The following DOCK1 variants were observed in gnomAD, a reference collection of about 807,000 sequenced individuals.
The protein encoded by DOCK1 is dedicator of cytokinesis protein 1.
DOCK1 carries 138 observed loss-of-function variants against 262.7 expected under a neutral mutation model. The ratio of observed to expected loss-of-function variants is 0.53; its 90% CI spans 0.46 to 0.61. The LOEUF (loss-of-function observed/expected upper bound fraction) is 0.61, where lower values mean the gene tolerates loss of function less well. Ranked by LOEUF, DOCK1 falls within the 20% of genes least tolerant of loss-of-function variation. The pLI is 0.00. For synonymous variants in DOCK1, 866 were observed against 867.4 expected (o/e 1.00, Z 0.03); for missense variants, 1,908 against 2,370.7 (o/e 0.80, Z 4.05).
intron 49 of DOCK1, among the ~76,000 whole-genome samples, chr10:127,441,952 C>G (rs1362336639): frequency 6.6e-6 from 1 of 152,096 alleles, no homozygotes; most frequent in Non-Finnish European, 1.5e-5. Flanking sequence ...GCAGGGAGGC[C>G]AGGAGAAGCA....
chr10:127,264,834 G>A (rs150214132), intron 29 of DOCK1, among the ~76,000 whole-genome samples: 159 of 152,208 alleles, frequency 1.0e-3, no homozygotes, highest in African/African-American at 3.6e-3. Flanking sequence ...CTAATTTTTT[G>A]TGGGTTTATT....
At chr10:127,005,134 C>T (rs1214023624) in intron 10 of DOCK1, among the ~76,000 whole-genome samples, 2 of 151,684 alleles carry the variant, frequency 1.3e-5, no homozygotes, top group African/African-American at 4.8e-5. Flanking sequence ...TCCAGCAGTT[C>T]GAGACCAGCC....
chr10:127,213,327 A>T (rs1216462990), intron 27 of DOCK1, among the ~76,000 whole-genome samples: 1 of 152,218 alleles, frequency 6.6e-6, no homozygotes, highest in Non-Finnish European at 1.5e-5. Flanking sequence ...CAAAGCAATC[A>T]GTGATATGTT....
At chr10:127,444,686 T>C (rs1486536508) in intron 50 of DOCK1, among the ~76,000 whole-genome samples, 2 of 152,148 alleles carry the variant, frequency 1.3e-5, no homozygotes, top group Admixed American at 1.3e-4. Context: ...AGCTTATTTT[T>C]CTAGTTTTGA....
chr10:127,096,173 T>A (rs1189355502), intron 23 of DOCK1, among the ~76,000 whole-genome samples: 1 of 152,236 alleles, frequency 6.6e-6, no homozygotes, highest in East Asian at 1.9e-4. Context: ...TCTGGACTGC[T>A]GTCACACACA....
intron 2 of DOCK1, among the ~76,000 whole-genome samples, chr10:126,976,023 A>G (rs2134750184): frequency 6.6e-6 from 1 of 152,326 alleles, no homozygotes; most frequent in South Asian, 2.1e-4. Context: ...GAAAGGACAT[A>G]TTAATGTTGA....
intron 33 of DOCK1, 22 bp downstream of exon 33, chr10:127,362,234 G>T: frequency 6.2e-7 from 1 of 1,607,118 alleles, no homozygotes; most frequent in Non-Finnish European, 8.5e-7. Flanking sequence ...GATGTGCAGC[G>T]AGTGGCCGGG....
chr10:127,088,128 G>C (rs953968500), intron 23 of DOCK1, among the ~76,000 whole-genome samples: 1 of 152,174 alleles, frequency 6.6e-6, no homozygotes, highest in Non-Finnish European at 1.5e-5. Flanking sequence ...TAACCAGTTC[G>C]CTGCCACCAA....
At chr10:127,270,426 C>T (rs541187749) in intron 29 of DOCK1, among the ~76,000 whole-genome samples, 5 of 152,228 alleles carry the variant, frequency 3.3e-5, no homozygotes, top group Non-Finnish European at 5.9e-5. Flanking sequence ...AATACAATTT[C>T]ACATTCTTCC....
intron 9 of DOCK1, 79 bp from the exon 10 acceptor site, chr10:127,000,092 AT>A: frequency 6.5e-7 from 1 of 1,534,874 alleles, no homozygotes; most frequent in Non-Finnish European, 8.9e-7. Context: ...GTCTCAATCC[AT>A]TTTTTTACTG....
chr10:127,025,080 T>C (rs2042732908), intron 15 of DOCK1: 1 of 213,180 alleles, frequency 4.7e-6, no homozygotes, highest in Admixed American at 5.3e-5. Context: ...GCATGCTGTC[T>C]TTACACCAAA....
intron 12 of DOCK1, among the ~76,000 whole-genome samples, chr10:127,017,251 C>T (rs1218692086): frequency 6.9e-6 from 1 of 144,522 alleles, no homozygotes; most frequent in Non-Finnish European, 1.5e-5. Context: ...ACAGACAGCC[C>T]CTTCCACTCA....
chr10:127,013,599 T>A (rs2041637718), intron 12 of DOCK1: 1 of 152,210 alleles, frequency 6.6e-6, no homozygotes, highest in African/African-American at 2.4e-5. Flanking sequence ...AGCCTGCCTC[T>A]GCCAGGCTCA....
chr10:126,974,249 G>A (rs1056275620), intron 2 of DOCK1, among the ~76,000 whole-genome samples: 7 of 152,126 alleles, frequency 4.6e-5, no homozygotes, highest in South Asian at 2.1e-4. Context: ...CTTCCATAGC[G>A]TCCCCAGGGT....
At chr10:127,019,043 T>C in intron 13 of DOCK1, 1 of 703,682 alleles carries the variant, frequency 1.4e-6, no homozygotes, top group South Asian at 2.1e-5. Context: ...TACCCCTGGA[T>C]GGATCAGCTC....
intron 27 of DOCK1, chr10:127,137,041 A>G (rs1188681441): frequency 6.6e-6 from 1 of 152,646 alleles, no homozygotes; most frequent in Non-Finnish European, 1.5e-5. Flanking sequence ...TTTGGGTACC[A>G]AAAGATTAAA....
At chr10:126,923,221 A>G (rs2033379512) in intron 1 of DOCK1, among the ~76,000 whole-genome samples, 1 of 152,266 alleles carries the variant, frequency 6.6e-6, no homozygotes, top group South Asian at 2.1e-4. Context: ...CCTCTGGTCT[A>G]GAGTCTTAGA....
chr10:127,403,127 C>A lies in DOCK1; in HGVS notation c.4000C>A (p.Gln1334Lys), dbSNP rs756213333. Residue 1334 changes from glutamine (Q) to lysine (K), a missense_variant, in exon 39 of 52, where the codon CAA (glutamine) becomes AAA (lysine). Gln to Lys is a moderately conservative substitution (Grantham distance 53, BLOSUM62 1). Transcript: ENST00000623213. ...TGAGAACGAAATGTTTGATTATGAG[C>A]AACTCAGCGAATTGCTGGTGAGTCT... ...QYENEMFDYE[Q>K]LSELLKKQAQ... 1 of 1,610,670 alleles carries A rather than the reference C, an allele frequency of 6.2e-7. No homozygotes were observed. Among genetic ancestry groups the A allele is most frequent in the Non-Finnish European group, 8.5e-7 (1 of 1,178,550 alleles).
chr10:127,345,232 G>A (rs2063578949), intron 31 of DOCK1, among the ~76,000 whole-genome samples: 1 of 152,182 alleles, frequency 6.6e-6, no homozygotes, highest in African/African-American at 2.4e-5. Flanking sequence ...CATTTACTCA[G>A]CCTGTACTTT....
Sources: allele counts gnomAD v4.1 joint callset (sites outside exome capture counted in the v4.1 genomes callset), GRCh38; gene constraint gnomAD v4.1.1; transcripts MANE v1.5; gene names NCBI Gene and HGNC (gene_info 2026-07-23, HGNC 2026-07-21).